The following ZDHHC11B variants were observed in gnomAD, a reference collection of about 807,000 sequenced individuals.
ZDHHC11B encodes zDHHC palmitoyltransferase 11B (putative), also known as probable palmitoyltransferase ZDHHC11B.
A neutral mutation model predicts 42.3 loss-of-function variants in ZDHHC11B; 17 were observed. The observed-to-expected ratio is 0.40, with a 90% CI of 0.27 to 0.60. The LOEUF is 0.60. Ranked by LOEUF, ZDHHC11B falls within the 20% of genes least tolerant of loss-of-function variation. The pLI is 0.41. For missense variants in ZDHHC11B, 262 were observed against 463.2 expected, an observed-to-expected ratio of 0.57 and a Z score of 3.99; for synonymous variants, 123 against 193.5, an observed-to-expected ratio of 0.64 and a Z score of 3.02.
intron 12 of ZDHHC11B, among the ~76,000 whole-genome samples, chr5:729,222 C>T (rs1205792314): frequency 6.6e-6 from 1 of 151,086 alleles, no homozygotes; most frequent in Non-Finnish European, 1.5e-5. Flanking sequence ...GCCTCCCTCA[C>T]ACACCCTCCC....
chr5:733,671 A>G, intron 11 of ZDHHC11B, 81 bp downstream of exon 11: 8 of 1,270,820 alleles, frequency 6.3e-6, no homozygotes, highest in Admixed American at 1.8e-5. Context: ...TACTGCCTTA[A>G]CCTCAGCTTG....
intron 1 of ZDHHC11B, among the ~76,000 whole-genome samples, chr5:778,833 T>C (rs1381955977): frequency 6.6e-6 from 1 of 151,878 alleles, no homozygotes. Flanking sequence ...ATTCGTCCCC[T>C]CCAAAATCCA....
At chr5:730,515 G>A in intron 11 of ZDHHC11B, 47 bp from the exon 12 acceptor site, 1 of 1,531,242 alleles carries the variant, frequency 6.5e-7, no homozygotes, top group East Asian at 2.5e-5. Context: ...CAAAGACCTT[G>A]TTGACATTAA....
intron 1 of ZDHHC11B, among the ~76,000 whole-genome samples, chr5:777,050 A>G (rs1736564525): frequency 6.6e-6 from 1 of 151,840 alleles, no homozygotes; most frequent in Non-Finnish European, 1.5e-5. Context: ...TTGGTGGGTT[A>G]TTGGTCTCGC....
chr5:778,044 C>T (rs1416244650), intron 1 of ZDHHC11B, among the ~76,000 whole-genome samples: 2 of 152,060 alleles, frequency 1.3e-5, no homozygotes, highest in South Asian at 4.2e-4. Context: ...CCCGGCGCAC[C>T]TCCGCAGCCA....
intron 9 of ZDHHC11B, among the ~76,000 whole-genome samples, chr5:742,283 C>A (rs1485706225): frequency 7.0e-6 from 1 of 143,256 alleles, no homozygotes; most frequent in African/African-American, 2.6e-5. Context: ...GTGTCCAGCC[C>A]TCTTGCCCAT....
intron 1 of ZDHHC11B, among the ~76,000 whole-genome samples, chr5:773,061 T>C (rs1326401868): frequency 6.6e-6 from 1 of 151,926 alleles, no homozygotes; most frequent in Non-Finnish European, 1.5e-5. Flanking sequence ...GCGGAGAAGA[T>C]GGGAGATGCA....
chr5:751,426 GGGGCGGGGAGGCAGGGGCAGGGACACGCA>G (rs1745681295), intron 6 of ZDHHC11B, among the ~76,000 whole-genome samples, 169 bp from the exon 7 acceptor site: 1 of 56,862 alleles, frequency 1.8e-5, no homozygotes, highest in Non-Finnish European at 4.3e-5. Flanking sequence ...GACAGGTGTG[GGGGCGGGGAGGCAGGGGCAGGGACACGCA>G]GGGCATCTGA....
chr5:736,827 G>A (rs1365389577), intron 10 of ZDHHC11B, among the ~76,000 whole-genome samples: 1 of 128,690 alleles, frequency 7.8e-6, no homozygotes, highest in East Asian at 2.4e-4. Context: ...ATGTTTAAAG[G>A]AATGTTCACA....
At chr5:769,983 C>A (rs1417130165) in intron 1 of ZDHHC11B, among the ~76,000 whole-genome samples, 1 of 151,900 alleles carries the variant, frequency 6.6e-6, no homozygotes, top group East Asian at 1.9e-4. Flanking sequence ...AGACGGCCGT[C>A]CACACCACTC....
intron 12 of ZDHHC11B, among the ~76,000 whole-genome samples, chr5:722,889 AG>A: frequency 6.6e-6 from 1 of 151,666 alleles, no homozygotes; most frequent in African/African-American, 2.4e-5. Flanking sequence ...GATTCCTCAA[AG>A]ATTCCAGATA....
chr5:770,565 C>T lies in ZDHHC11B; in HGVS notation c.-229-1635G>A, dbSNP rs538926968. Among the ~76,000 whole-genome samples, 6 of 151,156 alleles carry T rather than the reference C, an allele frequency of 4.0e-5. No individual in the cohort carries two copies. In the South Asian group the frequency reaches 6.4e-4, roughly 16 times the overall value. ...CTCTGGAGGACACCTCGGGATCACG[C>T]ACTCCCCAGGGTCTGTGACGTGCTG... On this transcript the variant is annotated intron_variant, in intron 1 of 13. Transcript: ENST00000508859.
intron 1 of ZDHHC11B, among the ~76,000 whole-genome samples, chr5:776,667 G>A (rs1736518201): frequency 6.6e-6 from 1 of 151,932 alleles, no homozygotes; most frequent in African/African-American, 2.4e-5. Flanking sequence ...CCTCACAGCG[G>A]AAGGAGTGGA....
intron 12 of ZDHHC11B, among the ~76,000 whole-genome samples, chr5:720,937 T>C (rs2937595): frequency 1 from 151,535 of 151,676 alleles, 75,699 homozygotes; most frequent in Middle Eastern, 1. Context: ...ACTGAAACCC[T>C]ATTTCCACAA....
intron 1 of ZDHHC11B, among the ~76,000 whole-genome samples, chr5:776,805 G>C (rs408244): frequency 1 from 151,568 of 151,768 alleles, 75,687 homozygotes; most frequent in Middle Eastern, 1. Context: ...GGCGGCTCAG[G>C]TCCCATTCCT....
At chr5:718,062 T>A (rs1741889932) in intron 12 of ZDHHC11B, among the ~76,000 whole-genome samples, 1 of 151,682 alleles carries the variant, frequency 6.6e-6, no homozygotes, top group South Asian at 2.1e-4. Flanking sequence ...ATCCAAAAAT[T>A]ACTGAGAATA....
At chr5:765,328 G>A (rs1352111283) in intron 4 of ZDHHC11B, among the ~76,000 whole-genome samples, 2 of 151,812 alleles carry the variant, frequency 1.3e-5, no homozygotes, top group African/African-American at 4.8e-5. Flanking sequence ...GAATCTTTAT[G>A]TCTAGCTAAG....
At chr5:766,256 C>G (rs1579427890) in intron 4 of ZDHHC11B, among the ~76,000 whole-genome samples, 1 of 151,670 alleles carries the variant, frequency 6.6e-6, no homozygotes, top group East Asian at 1.9e-4. Context: ...GAGACAGGAG[C>G]AGACACGGGC....
chr5:765,215 C>T (rs1579420899), intron 4 of ZDHHC11B, among the ~76,000 whole-genome samples: 1 of 151,358 alleles, frequency 6.6e-6, no homozygotes, highest in East Asian at 1.9e-4. Context: ...TTATGTCTAG[C>T]TAAGGGATTG....
Sources: allele counts gnomAD v4.1 joint callset (sites outside exome capture counted in the v4.1 genomes callset), GRCh38; gene constraint gnomAD v4.1.1; transcripts MANE v1.5; gene names NCBI Gene and HGNC (gene_info 2026-07-23, HGNC 2026-07-21).